The following TULP4 variants were observed in gnomAD, a reference collection of about 807,000 sequenced individuals.
The protein encoded by TULP4 is TUB like protein 4.
Under a neutral mutation model 129.0 loss-of-function variants are expected in TULP4, and 16 were observed. The ratio of observed to expected loss-of-function variants is 0.12; its 90% CI spans 0.08 to 0.19. The LOEUF is 0.19. Among genes scored for constraint, TULP4 ranks in the 10% least tolerant of loss-of-function variants. The probability of loss-of-function intolerance (pLI) is 1.00; values close to 1 mark genes in which losing one functional copy is unlikely to be tolerated. For synonymous variants in TULP4, 998 were observed against 854.0 expected (o/e 1.17, Z -2.94); for missense variants, 1,842 against 2,059.1 (o/e 0.89, Z 2.04).
rs1325929609 is a variant in TULP4, at chr6:158,509,994, A to T, written c.*3300A>T. Reference sequence around the variant, plus strand: ...TCAAGATACCTCATTGAATCCCTAAATTTAAAAGCAGTCCAGTAAAAGGTT... The same window carrying T: ...TCAAGATACCTCATTGAATCCCTAATTTTAAAAGCAGTCCAGTAAAAGGTT... On this transcript the variant is annotated 3_prime_UTR_variant, in exon 14 of 14. Coordinates refer to ENST00000367097, the MANE Select transcript of TULP4 (RefSeq NM_020245.5). The T allele has an allele frequency of 6.6e-6, 1 of 152,344 alleles. No individual in the cohort carries two copies. The highest frequency in any genetic ancestry group is 1.5e-5 in the Non-Finnish European group (1 of 68,046). The allele number at this position is 152,344 out of a possible 1,614,324, so 9.4% of individuals were successfully genotyped here.
intron 6 of TULP4, among the ~76,000 whole-genome samples, chr6:158,467,974 T>C (rs577214771): frequency 6.6e-6 from 1 of 152,360 alleles, no homozygotes; most frequent in South Asian, 2.1e-4. Flanking sequence ...GGGCACCAGC[T>C]GCAGAGAGTC....
intron 1 of TULP4, among the ~76,000 whole-genome samples, chr6:158,255,584 A>G (rs542724629): frequency 6.6e-6 from 1 of 152,110 alleles, no homozygotes; most frequent in Non-Finnish European, 1.5e-5. Flanking sequence ...GAAAGTTGTC[A>G]TGTCTGGGTG....
Position 158,265,544 on chromosome 6 carries a change from C to T in TULP4, n.68+33241C>T, listed in dbSNP as rs113465253. ...AAAAGAAAAAAAAAAATTAGCTGGG[C>T]GTGATGGCATGCCTGTAGTCCCAGC... On this transcript the variant is annotated intron_variant and non_coding_transcript_variant, in intron 1 of 1. Transcript: ENST00000620026. Among the ~76,000 whole-genome samples, 787 of 151,920 alleles carry T rather than the reference C, an allele frequency of 5.2e-3. 8 individuals carry two copies. The highest frequency in any genetic ancestry group is 0.013 in the African/African-American group (536 of 41,434).
rs1780684651 is a variant in TULP4 at position 158,509,566 on chromosome 6, TG to T, written c.*2873del. The T allele has an allele frequency of 1.3e-5, 2 of 152,176 alleles. No homozygotes were observed. The highest frequency in any genetic ancestry group is 1.3e-4 in the Admixed American group (2 of 15,280). 9.4% of individuals were successfully genotyped at this position (152,176 alleles called of 1,614,324 possible). The stretch of plus-strand genomic sequence containing the variant: ...CTTTGAAATGAAAGCTACAAATACA[TG>T]TGAGAAGAAAAAAATGGATTTTTTT... On this transcript the variant is annotated 3_prime_UTR_variant, in exon 14 of 14. Coordinates refer to ENST00000367097, the MANE Select transcript of TULP4 (RefSeq NM_020245.5).
At chr6:158,252,357 T>C (rs546131010) in intron 1 of TULP4, among the ~76,000 whole-genome samples, 1 of 152,018 alleles carries the variant, frequency 6.6e-6, no homozygotes, top group East Asian at 1.9e-4. Flanking sequence ...GTTGGGTATT[T>C]TTAATTTTTT....
chr6:158,470,805 T>C (rs1198416383), intron 6 of TULP4, among the ~76,000 whole-genome samples: 1 of 152,236 alleles, frequency 6.6e-6, no homozygotes, highest in Admixed American at 6.5e-5. Context: ...GAGCCATCTG[T>C]ATGCCAAGCA....
chr6:158,367,767 G>GCAC (rs1776956526), intron 1 of TULP4, among the ~76,000 whole-genome samples: 1 of 152,024 alleles, frequency 6.6e-6, no homozygotes, highest in African/African-American at 2.4e-5. Flanking sequence ...TAAGGCCGGT[G>GCAC]CGGTGGCTCA....
chr6:158,489,912 C>G (rs902903207), intron 9 of TULP4, among the ~76,000 whole-genome samples, 180 bp downstream of exon 9: 2 of 152,142 alleles, frequency 1.3e-5, no homozygotes, highest in Non-Finnish European at 2.9e-5. Context: ...TTGTTTCCTT[C>G]GGGATAGACA....
intron 1 of TULP4, among the ~76,000 whole-genome samples, chr6:158,407,596 T>C (rs1777998742): frequency 6.6e-6 from 1 of 151,830 alleles, no homozygotes; most frequent in Non-Finnish European, 1.5e-5. Context: ...TAGCTAAAAG[T>C]TGATGAACAG....
chr6:158,327,712 G>C (rs1779776899), intron 1 of TULP4, among the ~76,000 whole-genome samples: 1 of 151,470 alleles, frequency 6.6e-6, no homozygotes, highest in Non-Finnish European at 1.5e-5. Context: ...CTTTTTTTGA[G>C]GTTTTTTAAA....
chr6:158,354,373 G>A (rs1780594107), intron 1 of TULP4, among the ~76,000 whole-genome samples: 1 of 152,152 alleles, frequency 6.6e-6, no homozygotes, highest in Non-Finnish European at 1.5e-5. Context: ...AACAAGTGAA[G>A]CCATGGGGCA....
chr6:158,315,433 C>A (rs1296427022), intron 1 of TULP4, among the ~76,000 whole-genome samples: 1 of 152,098 alleles, frequency 6.6e-6, no homozygotes, highest in African/African-American at 2.4e-5. Flanking sequence ...TAGGGAGATT[C>A]ACCATACAAA....
At chr6:158,257,407 G>A (rs1336854448) in intron 1 of TULP4, among the ~76,000 whole-genome samples, 1 of 152,074 alleles carries the variant, frequency 6.6e-6, no homozygotes, top group African/African-American at 2.4e-5. Context: ...TTTTAAAAAA[G>A]TGTGGTAAAA....
At chr6:158,385,030 A>G (rs1562544305) in intron 1 of TULP4, among the ~76,000 whole-genome samples, 1 of 152,220 alleles carries the variant, frequency 6.6e-6, no homozygotes. Flanking sequence ...TAGTCGACTA[A>G]GGCAAATGAC....
chr6:158,444,491 A>G lies in TULP4; in HGVS notation c.544-4505A>G, dbSNP rs1055823518. 2.0e-5 allele frequency among the ~76,000 whole-genome samples: 3 copies of G among 152,178 alleles called. No homozygotes were observed. The South Asian group carries it at 6.2e-4, about 32-fold the overall frequency. ...ACCTCCTTCAGGAACTAGTTCCAAT[A>G]CTACAAATTAAACTCTTACAAAAGA... On this transcript the variant is annotated intron_variant, in intron 3 of 13. Transcript: ENST00000367097.
chr6:158,349,093 G>C (rs1265895193), intron 1 of TULP4, among the ~76,000 whole-genome samples: 2 of 118,834 alleles, frequency 1.7e-5, no homozygotes, highest in Non-Finnish European at 1.7e-5. Context: ...TCACTTCCCA[G>C]ATGGGGCAGC....
At chr6:158,384,675 G>T (rs1164297564) in intron 1 of TULP4, among the ~76,000 whole-genome samples, 1 of 152,158 alleles carries the variant, frequency 6.6e-6, no homozygotes, top group African/African-American at 2.4e-5. Context: ...CAGGTGATTA[G>T]CCAGCTGTCT....
intron 1 of TULP4, among the ~76,000 whole-genome samples, chr6:158,272,224 G>A (rs1778564841): frequency 6.6e-6 from 1 of 151,944 alleles, no homozygotes; most frequent in African/African-American, 2.4e-5. Flanking sequence ...ATAAAGAGGT[G>A]GAATTTTTCA....
chr6:158,443,304 A>G (rs1186458302), intron 3 of TULP4, among the ~76,000 whole-genome samples: 1 of 151,914 alleles, frequency 6.6e-6, no homozygotes, highest in Non-Finnish European at 1.5e-5. Flanking sequence ...TTTAGTAGAG[A>G]TGGGGTTTCA....
Sources: gnomAD v4.1 joint callset for allele counts (sites outside exome capture counted in the v4.1 genomes callset) on GRCh38, gnomAD v4.1.1 for gene constraint, MANE v1.5 for transcripts, NCBI Gene and HGNC (gene_info 2026-07-23, HGNC 2026-07-21) for gene names.